Variants in CNTNAP5 observed in about 807,000 individuals in gnomAD.
CNTNAP5 encodes contactin-associated protein-like 5.
Under a neutral mutation model 150.2 loss-of-function variants are expected in CNTNAP5, and 72 were observed. That is an observed-to-expected ratio of 0.48 (90% CI 0.40 to 0.58). The LOEUF (loss-of-function observed/expected upper bound fraction) is 0.58, where lower values mean the gene tolerates loss of function less well. CNTNAP5 is among the 20% of genes least tolerant of loss of function. The pLI is 0.00. For synonymous variants in CNTNAP5, 672 were observed against 619.8 expected, an observed-to-expected ratio of 1.08 and a Z score of -1.25; for missense variants, 1,636 against 1,626.2, an observed-to-expected ratio of 1.01 and a Z score of -0.10.
chr2:124,601,650 G>A (rs1696986684), intron 11 of CNTNAP5, among the ~76,000 whole-genome samples: 1 of 152,144 alleles, frequency 6.6e-6, no homozygotes, highest in Admixed American at 6.5e-5. Flanking sequence ...TTGCGTCAAT[G>A]AGTCAAGCAT....
chr2:124,184,231 G>A (rs1685275547), intron 1 of CNTNAP5, among the ~76,000 whole-genome samples: 1 of 152,122 alleles, frequency 6.6e-6, no homozygotes, highest in East Asian at 1.9e-4. Context: ...TCGTATATCT[G>A]AAAGAATGGA....
chr2:124,890,848 A>T (rs892431909), intron 21 of CNTNAP5, among the ~76,000 whole-genome samples: 16 of 152,140 alleles, frequency 1.1e-4, no homozygotes, highest in Middle Eastern at 3.2e-3. Flanking sequence ...TGGTAAGTGT[A>T]TAGAGACATA....
intron 10 of CNTNAP5, among the ~76,000 whole-genome samples, chr2:124,540,708 A>C (rs1331692918): frequency 1.3e-5 from 2 of 151,572 alleles, no homozygotes; most frequent in Non-Finnish European, 2.9e-5. Flanking sequence ...TCATTCTTTC[A>C]TCTCTTGTGT....
chr2:124,517,913 G>A (rs1694764841), intron 8 of CNTNAP5, among the ~76,000 whole-genome samples: 1 of 151,646 alleles, frequency 6.6e-6, no homozygotes, highest in African/African-American at 2.4e-5. Flanking sequence ...GGTGAAGAGG[G>A]GTTGTGGTGT....
chr2:124,319,926 A>C (rs1316866220), intron 3 of CNTNAP5, among the ~76,000 whole-genome samples: 1 of 152,158 alleles, frequency 6.6e-6, no homozygotes, highest in Non-Finnish European at 1.5e-5. Context: ...CATGCATAGA[A>C]TTTTTTGTTA....
At position 124,326,753 on chromosome 2, in the gene CNTNAP5, C is replaced by T. The variant is rs78159126; in HGVS notation, c.381+84360C>T. Among the ~76,000 whole-genome samples, 1,383 of 151,992 alleles carry T rather than the reference C, an allele frequency of 9.1e-3. 18 individuals are homozygous for T. Among genetic ancestry groups the T allele is most frequent in the African/African-American group, 0.029 (1,208 of 41,494 alleles). ...TAGCCTGGGCAACATGGCGAACCCC[C>T]ATCTTGACAAAATAAATAAATATAC... On this transcript the variant is annotated intron_variant, in intron 3 of 23. Transcript: ENST00000682447.
At chr2:124,585,852 T>A (rs1696520087) in intron 11 of CNTNAP5, among the ~76,000 whole-genome samples, 1 of 151,954 alleles carries the variant, frequency 6.6e-6, no homozygotes, top group African/African-American at 2.4e-5. Context: ...AAAGCCAGGA[T>A]TTTAATTAAA....
At chr2:124,678,350 G>A (rs1180778057) in intron 13 of CNTNAP5, among the ~76,000 whole-genome samples, 1 of 151,628 alleles carries the variant, frequency 6.6e-6, no homozygotes, top group African/African-American at 2.4e-5. Context: ...GCAATTACTG[G>A]GTGTCTTAAG....
chr2:124,905,918 G>A (rs1328318539), intron 22 of CNTNAP5, among the ~76,000 whole-genome samples: 1 of 152,160 alleles, frequency 6.6e-6, no homozygotes, highest in Non-Finnish European at 1.5e-5. Flanking sequence ...GAAATACTGG[G>A]TTGTGAATGT....
chr2:124,857,529 T>C (rs1010934092), intron 19 of CNTNAP5, among the ~76,000 whole-genome samples: 1 of 151,848 alleles, frequency 6.6e-6, no homozygotes, highest in Non-Finnish European at 1.5e-5. Context: ...TCAAGATACG[T>C]ATACACCCAA....
chr2:124,416,705 T>C (rs1691926202), intron 3 of CNTNAP5, among the ~76,000 whole-genome samples: 1 of 152,080 alleles, frequency 6.6e-6, no homozygotes, highest in African/African-American at 2.4e-5. Flanking sequence ...ATGGTGATAA[T>C]GATAATGGAA....
chr2:124,428,585 G>A (rs1347596380), intron 4 of CNTNAP5, among the ~76,000 whole-genome samples: 1 of 152,098 alleles, frequency 6.6e-6, no homozygotes, highest in Non-Finnish European at 1.5e-5. Context: ...AGAAGAGCAG[G>A]GAACCCAGGG....
chr2:124,442,009 G>A (rs907355678), intron 5 of CNTNAP5, among the ~76,000 whole-genome samples: 1 of 152,100 alleles, frequency 6.6e-6, no homozygotes, highest in African/African-American at 2.4e-5. Flanking sequence ...TGTTAATTAA[G>A]TTTATGGTTT....
At chr2:124,309,865 C>T (rs769545049) in intron 3 of CNTNAP5, among the ~76,000 whole-genome samples, 2 of 152,182 alleles carry the variant, frequency 1.3e-5, no homozygotes, top group African/African-American at 4.8e-5. Context: ...TTTTCTATTC[C>T]ACGGATTTAT....
chr2:124,847,345 G>T (rs1683070531), intron 19 of CNTNAP5, among the ~76,000 whole-genome samples: 1 of 152,138 alleles, frequency 6.6e-6, no homozygotes, highest in Non-Finnish European at 1.5e-5. Context: ...TTCCCAGGGG[G>T]ATTATGGCTA....
intron 12 of CNTNAP5, among the ~76,000 whole-genome samples, chr2:124,640,014 C>G (rs1351350777): frequency 4.6e-5 from 7 of 152,086 alleles, no homozygotes; most frequent in Admixed American, 3.9e-4. Context: ...CAGCTGTGAA[C>G]TCCCTGAGCT....
intron 3 of CNTNAP5, among the ~76,000 whole-genome samples, chr2:124,328,038 C>A (rs1043233593): frequency 6.6e-5 from 10 of 151,844 alleles, no homozygotes; most frequent in Non-Finnish European, 1.0e-4. Flanking sequence ...AAATTGAAGG[C>A]TTTTCTGAAA....
intron 19 of CNTNAP5, among the ~76,000 whole-genome samples, chr2:124,802,269 C>T (rs150260876): frequency 9.2e-5 from 14 of 152,226 alleles, no homozygotes; most frequent in South Asian, 2.1e-4. Context: ...AGAAGATCAA[C>T]GTGATTCAAA....
intron 1 of CNTNAP5, among the ~76,000 whole-genome samples, chr2:124,194,412 A>ATATAT (rs1685534313): frequency 1.3e-3 from 9 of 7,088 alleles, no homozygotes; most frequent in East Asian, 2.7e-3. Flanking sequence ...TATATATATA[A>ATATAT]ATATAAATAG....
Sources: gnomAD v4.1 joint callset for allele counts (sites outside exome capture counted in the v4.1 genomes callset) on GRCh38, gnomAD v4.1.1 for gene constraint, MANE v1.5 for transcripts, NCBI Gene and HGNC (gene_info 2026-07-23, HGNC 2026-07-21) for gene names.